Variants in GIGYF2 observed in about 807,000 individuals in gnomAD.
The protein encoded by GIGYF2 is GRB10 interacting GYF protein 2, also known as GRB10-interacting GYF protein 2.
A neutral mutation model predicts 208.1 loss-of-function variants in GIGYF2; 25 were observed. The observed-to-expected ratio is 0.12, with a 90% confidence interval of 0.09 to 0.17. GIGYF2 has a LOEUF of 0.17. GIGYF2 is among the 10% of genes least tolerant of loss of function. The pLI, the probability that GIGYF2 is intolerant of heterozygous loss-of-function variation, is 1.00. For missense variants in GIGYF2, 1,302 were observed against 1,579.4 expected (o/e 0.82, Z 2.98); for synonymous variants, 534 against 543.8 (o/e 0.98, Z 0.25).
chr2:232,753,052 A>T (rs1698393277), intron 5 of GIGYF2, among the ~76,000 whole-genome samples: 1 of 152,050 alleles, frequency 6.6e-6, no homozygotes, highest in African/African-American at 2.4e-5. Flanking sequence ...TCACACACAC[A>T]CACATAAATG....
chr2:232,777,277 G>A (rs1318243685), intron 8 of GIGYF2, among the ~76,000 whole-genome samples: 1 of 152,178 alleles, frequency 6.6e-6, no homozygotes, highest in African/African-American at 2.4e-5. Context: ...TCAGTGTGAT[G>A]AAGTATAGTG....
intron 19 of GIGYF2, among the ~76,000 whole-genome samples, chr2:232,816,129 T>C (rs1282374829): frequency 3.9e-5 from 6 of 152,224 alleles, no homozygotes; most frequent in Non-Finnish European, 5.9e-5. Flanking sequence ...TTGTTTATAT[T>C]TCTTAGTATC....
chr2:232,778,364 A>G (rs916056954), intron 8 of GIGYF2, among the ~76,000 whole-genome samples: 11 of 152,368 alleles, frequency 7.2e-5, no homozygotes, highest in Middle Eastern at 3.4e-3. Flanking sequence ...TCAATTAAGA[A>G]AGAAATGTCT....
At chr2:232,760,379 G>A in intron 6 of GIGYF2, 101 bp from the exon 7 acceptor site, 1 of 787,284 alleles carries the variant, frequency 1.3e-6, no homozygotes, top group Middle Eastern at 2.4e-4. Flanking sequence ...TAGATGTCCT[G>A]CCTTGTATAG....
At chr2:232,763,312 T>C (rs1698820626) in intron 8 of GIGYF2, among the ~76,000 whole-genome samples, 1 of 152,142 alleles carries the variant, frequency 6.6e-6, no homozygotes. Flanking sequence ...TTACAGAATT[T>C]TTAGGATTAT....
At position 232,817,038 on chromosome 2, in the gene GIGYF2, T is replaced by C. The variant is rs943135207; in HGVS notation, c.2370+6T>C. 6 of 1,604,596 alleles carry C rather than the reference T, an allele frequency of 3.7e-6. No individual in the cohort carries two copies. The highest frequency in any genetic ancestry group is 2.2e-5 in the East Asian group (1 of 44,840). ...AACTTGCCCGAAGGAAACAGGTATG[T>C]ATCTGGGAACTCTGACCATAGGATT... On this transcript the variant is annotated splice_donor_region_variant and intron_variant, in intron 20 of 28. Coordinates refer to ENST00000373563, the MANE Select transcript of GIGYF2 (RefSeq NM_001103146.3).
chr2:232,798,018 A>T (rs1700281026), intron 14 of GIGYF2, among the ~76,000 whole-genome samples: 1 of 149,428 alleles, frequency 6.7e-6, no homozygotes, highest in Admixed American at 6.7e-5. Flanking sequence ...GATTCAGAAC[A>T]TTTCCATCTC....
At chr2:232,786,141 A>T (rs1294811361) in intron 8 of GIGYF2, among the ~76,000 whole-genome samples, 1 of 152,226 alleles carries the variant, frequency 6.6e-6, no homozygotes, top group Non-Finnish European at 1.5e-5. Context: ...CTTTTGAGAC[A>T]TTAGGTTAGA....
At chr2:232,848,730 A>G (rs1019518759) in intron 27 of GIGYF2, among the ~76,000 whole-genome samples, 3 of 152,228 alleles carry the variant, frequency 2.0e-5, no homozygotes, top group Non-Finnish European at 2.9e-5. Flanking sequence ...TGTTGGCAGT[A>G]TTGAGAACTG....
intron 18 of GIGYF2, among the ~76,000 whole-genome samples, chr2:232,813,331 T>TTACGCTATCACACCTGACTGGGTG (rs71056298): frequency 9.2e-5 from 14 of 151,822 alleles, no homozygotes; most frequent in Admixed American, 4.6e-4. Flanking sequence ...CTGGGATTAA[T>TTACGCTATCACACCTGACTGGGTG]TACGCTATCA....
chr2:232,837,016 G>A (rs1701659202), intron 22 of GIGYF2, among the ~76,000 whole-genome samples: 1 of 152,210 alleles, frequency 6.6e-6, no homozygotes, highest in African/African-American at 2.4e-5. Flanking sequence ...CAGAATAGTA[G>A]CCTCAGGTAT....
chr2:232,814,101 AT>A (rs1276031329), intron 18 of GIGYF2, among the ~76,000 whole-genome samples: 1 of 151,328 alleles, frequency 6.6e-6, no homozygotes, highest in Non-Finnish European at 1.5e-5. Context: ...GGCCAGGCTG[AT>A]TTCAAACTCC....
intron 8 of GIGYF2, among the ~76,000 whole-genome samples, chr2:232,761,923 G>A (rs1222397606): frequency 3.3e-5 from 5 of 149,828 alleles, no homozygotes; most frequent in Non-Finnish European, 7.4e-5. Context: ...GGTAGCCACT[G>A]AAGAGGAACA....
At chr2:232,697,750 T>A (rs1238411005) in intron 1 of GIGYF2, among the ~76,000 whole-genome samples, 4 of 152,106 alleles carry the variant, frequency 2.6e-5, no homozygotes, top group Admixed American at 2.6e-4. Flanking sequence ...GCCGGCTTGC[T>A]CGGAGCTGGA....
At chr2:232,842,137 A>G (rs10933411) in intron 23 of GIGYF2, among the ~76,000 whole-genome samples, 103,982 of 152,008 alleles carry the variant, frequency 0.68, 35,922 homozygotes, top group African/African-American at 0.73. Context: ...ACCACGCCCT[A>G]CCCTTTTTAT....
At position 232,713,951 on chromosome 2, in the gene GIGYF2, TC is replaced by T. The variant is rs1311285886; in HGVS notation, c.-44+10463del. 5.5e-3 allele frequency among the ~76,000 whole-genome samples: 684 copies of T among 124,480 alleles called. 2 individuals carry two copies. The highest frequency in any genetic ancestry group is 0.02 in the African/African-American group (629 of 32,238). 81.7% of individuals were successfully genotyped at this position (124,480 alleles called of 152,430 possible). On this transcript the variant is annotated intron_variant, in intron 2 of 28. Coordinates refer to ENST00000373563, the MANE Select transcript of GIGYF2 (RefSeq NM_001103146.3). The stretch of plus-strand genomic sequence containing the variant: ...CCTTGAGGAACTGATTTTTTTTTTT[TC>T]TCTTTTTTTTTTTTTGAGACGGAGT...
chr2:232,819,581 G>A (rs1302009258), intron 20 of GIGYF2, among the ~76,000 whole-genome samples: 1 of 152,126 alleles, frequency 6.6e-6, no homozygotes, highest in African/African-American at 2.4e-5. Flanking sequence ...AGAAACCAGG[G>A]TAGACTTCAC....
chr2:232,733,813 T>C (rs900174068), intron 2 of GIGYF2, among the ~76,000 whole-genome samples: 3 of 152,210 alleles, frequency 2.0e-5, no homozygotes, highest in African/African-American at 7.2e-5. Context: ...TAAATAGTTG[T>C]TCTGCTGTAT....
intron 21 of GIGYF2, among the ~76,000 whole-genome samples, chr2:232,832,160 A>T (rs1366986434): frequency 6.6e-6 from 1 of 152,252 alleles, no homozygotes. Flanking sequence ...GCTGACTTCT[A>T]TCTGACCTAC....
Sources: allele counts gnomAD v4.1 joint callset (sites outside exome capture counted in the v4.1 genomes callset), GRCh38; gene constraint gnomAD v4.1.1; transcripts MANE v1.5; gene names NCBI Gene and HGNC (gene_info 2026-07-23, HGNC 2026-07-21).